Variants in SSH2 observed in about 807,000 individuals in gnomAD.
SSH2 encodes the protein protein phosphatase Slingshot homolog 2.
SSH2 carries 37 observed loss-of-function variants against 135.2 expected under a neutral mutation model. That is an observed-to-expected ratio of 0.27 (90% CI 0.21 to 0.36). SSH2 has a LOEUF of 0.36. Among genes scored for constraint, SSH2 ranks in the 10% least tolerant of loss-of-function variants. The pLI is 1.00. For synonymous variants in SSH2, 628 were observed against 646.2 expected (o/e 0.97, Z 0.43); for missense variants, 1,408 against 1,765.3 (o/e 0.80, Z 3.63).
At chr17:29,737,284 C>T (rs956337930) in intron 3 of SSH2, among the ~76,000 whole-genome samples, 10 of 152,056 alleles carry the variant, frequency 6.6e-5, no homozygotes, top group Non-Finnish European at 1.5e-4. Context: ...CAAGTAACAG[C>T]TTAACAGTCT....
chr17:29,764,446 A>G (rs1402982961), intron 3 of SSH2, among the ~76,000 whole-genome samples: 1 of 152,212 alleles, frequency 6.6e-6, no homozygotes, highest in African/African-American at 2.4e-5. Flanking sequence ...CTGTCGGGAA[A>G]CAAGCCTCTA....
chr17:29,863,112 T>C (rs1023156898), intron 1 of SSH2, among the ~76,000 whole-genome samples: 8 of 151,982 alleles, frequency 5.3e-5, no homozygotes, highest in African/African-American at 1.9e-4. Context: ...ACAGAGACCA[T>C]ATGTGGCTTT....
At chr17:29,674,625 C>T (rs994560099) in intron 8 of SSH2, among the ~76,000 whole-genome samples, 1 of 152,128 alleles carries the variant, frequency 6.6e-6, no homozygotes, top group Non-Finnish European at 1.5e-5. Context: ...CACTACTCCC[C>T]ATAAGGTATA....
intron 5 of SSH2, among the ~76,000 whole-genome samples, chr17:29,693,398 G>A (rs1013790159): frequency 2.0e-5 from 3 of 151,902 alleles, no homozygotes; most frequent in South Asian, 2.1e-4. Context: ...TGCAACCACC[G>A]CCTCTTGGGT....
intron 11 of SSH2, among the ~76,000 whole-genome samples, chr17:29,659,547 C>T (rs190556334): frequency 2.6e-5 from 4 of 152,254 alleles, no homozygotes; most frequent in South Asian, 2.1e-4. Context: ...ATTTTTGAGA[C>T]GAGACTTGCT....
At chr17:29,784,438 G>A (rs1426510610) in intron 3 of SSH2, among the ~76,000 whole-genome samples, 1 of 151,208 alleles carries the variant, frequency 6.6e-6, no homozygotes, top group Non-Finnish European at 1.5e-5. Context: ...TTGAGGTCAG[G>A]TTACAAAAAT....
At chr17:29,707,781 C>A (rs532529853) in intron 3 of SSH2, among the ~76,000 whole-genome samples, 1 of 152,126 alleles carries the variant, frequency 6.6e-6, no homozygotes, top group African/African-American at 2.4e-5. Context: ...CCGCCTTGGC[C>A]TCCCAAAGTG....
intron 2 of SSH2, among the ~76,000 whole-genome samples, chr17:29,827,622 C>A (rs967404420): frequency 2.6e-5 from 4 of 152,124 alleles, no homozygotes; most frequent in African/African-American, 9.7e-5. Context: ...CTTGGCTAAA[C>A]ACATTTCCAC....
chr17:29,660,304 G>A (rs1429314159), intron 11 of SSH2, among the ~76,000 whole-genome samples: 1 of 144,674 alleles, frequency 6.9e-6, no homozygotes, highest in Non-Finnish European at 1.5e-5. Context: ...GTCTCGCTCT[G>A]TCGCCAGGCT....
chr17:29,788,418 C>T (rs980419222), intron 3 of SSH2, among the ~76,000 whole-genome samples: 1 of 152,164 alleles, frequency 6.6e-6, no homozygotes, highest in Non-Finnish European at 1.5e-5. Context: ...AAATGGTGGA[C>T]TGAGCCACCA....
At chr17:29,853,296 A>T (rs1237028871) in intron 1 of SSH2, among the ~76,000 whole-genome samples, 1 of 151,588 alleles carries the variant, frequency 6.6e-6, no homozygotes, top group Non-Finnish European at 1.5e-5. Flanking sequence ...CATGTTGACA[A>T]GGATGGTCTC....
chr17:29,793,692 T>C (rs958147710), intron 3 of SSH2: 8 of 492,348 alleles, frequency 1.6e-5, no homozygotes, highest in Non-Finnish European at 2.6e-5. Flanking sequence ...CTCCTGGCCT[T>C]AAGCAATCCC....
At chr17:29,777,145 G>A (rs1038207195) in intron 3 of SSH2, among the ~76,000 whole-genome samples, 3 of 151,940 alleles carry the variant, frequency 2.0e-5, no homozygotes, top group Non-Finnish European at 4.4e-5. Context: ...CTGGAAGATG[G>A]AGGTTGCAGT....
intron 15 of SSH2, among the ~76,000 whole-genome samples, chr17:29,634,384 T>C (rs958898287): frequency 6.6e-6 from 1 of 152,188 alleles, no homozygotes; most frequent in Non-Finnish European, 1.5e-5. Flanking sequence ...TTTAAGACAC[T>C]GCTGTATATA....
intron 12 of SSH2, 82 bp from the exon 13 acceptor site, chr17:29,650,882 C>T (rs927322113): frequency 8.6e-6 from 10 of 1,158,664 alleles, no homozygotes; most frequent in African/African-American, 1.6e-5. Flanking sequence ...TTACTTAAAA[C>T]TTGTTTATTC....
At chr17:29,744,272 G>A (rs1451725861) in intron 3 of SSH2, among the ~76,000 whole-genome samples, 1 of 152,168 alleles carries the variant, frequency 6.6e-6, no homozygotes, top group African/African-American at 2.4e-5. Context: ...GGGTTTCTGT[G>A]GGGAGGTGGG....
At chr17:29,736,922 A>G (rs2040389408) in intron 3 of SSH2, among the ~76,000 whole-genome samples, 1 of 150,234 alleles carries the variant, frequency 6.7e-6, no homozygotes, top group Non-Finnish European at 1.5e-5. Flanking sequence ...ACACGGTGAA[A>G]CCCTGTCTCT....
intron 3 of SSH2, among the ~76,000 whole-genome samples, chr17:29,770,272 C>T (rs2041552568): frequency 6.6e-6 from 1 of 151,438 alleles, no homozygotes; most frequent in Non-Finnish European, 1.5e-5. Flanking sequence ...CCACCCCCGG[C>T]TAATTTTTGT....
chr17:29,676,978 A>T, intron 7 of SSH2, 93 bp from the exon 8 acceptor site: 1 of 1,034,992 alleles, frequency 9.7e-7, no homozygotes, highest in Non-Finnish European at 1.5e-6. Context: ...GCTAAAAACA[A>T]CTGGCTCCGT....
Sources: gnomAD v4.1 joint callset for allele counts (sites outside exome capture counted in the v4.1 genomes callset) on GRCh38, gnomAD v4.1.1 for gene constraint, MANE v1.5 for transcripts, NCBI Gene and HGNC (gene_info 2026-07-23, HGNC 2026-07-21) for gene names.